Variants in RBFOX1 observed in about 807,000 individuals in gnomAD.
RBFOX1 encodes the protein RNA binding fox-1 homolog 1, also known as RNA binding protein fox-1 homolog 1.
RBFOX1 carries 8 observed loss-of-function variants against 57.7 expected under a neutral mutation model. The observed-to-expected ratio is 0.14, with a 90% CI of 0.08 to 0.25. The LOEUF is 0.25. RBFOX1 is among the 10% of genes least tolerant of loss of function. RBFOX1 has a pLI of 1.00. For missense variants in RBFOX1, 611 were observed against 548.5 expected, an observed-to-expected ratio of 1.11 and a Z score of -1.14; for synonymous variants, 326 against 222.4, an observed-to-expected ratio of 1.47 and a Z score of -4.15.
chr16:6,594,709 A>G (rs1369111994), intron 2 of RBFOX1, among the ~76,000 whole-genome samples: 1 of 151,348 alleles, frequency 6.6e-6, no homozygotes, highest in Non-Finnish European at 1.5e-5. Context: ...TTTTTTTGAG[A>G]TGTTTTTATT....
chr16:7,165,377 T>C (rs901337774), intron 4 of RBFOX1, among the ~76,000 whole-genome samples: 3 of 79,604 alleles, frequency 3.8e-5, no homozygotes, highest in Admixed American at 2.8e-4. Context: ...GCCCAGATCA[T>C]AACTCTTCTG....
chr16:7,127,027 A>T (rs1186018686), intron 4 of RBFOX1, among the ~76,000 whole-genome samples: 4 of 151,766 alleles, frequency 2.6e-5, no homozygotes, highest in African/African-American at 9.7e-5. Flanking sequence ...AAAAAAAAAA[A>T]AATTATTGCA....
chr16:5,319,716 C>T (rs1168608548), intron 1 of RBFOX1, among the ~76,000 whole-genome samples: 2 of 152,178 alleles, frequency 1.3e-5, no homozygotes, highest in Non-Finnish European at 2.9e-5. Flanking sequence ...GCAATCACAA[C>T]TCTAAAATCT....
chr16:7,029,067 T>C (rs1380777451), intron 3 of RBFOX1, among the ~76,000 whole-genome samples: 2 of 34,676 alleles, frequency 5.8e-5, no homozygotes, highest in South Asian at 1.3e-3. Flanking sequence ...TATATATATA[T>C]ATATATATAT....
At position 7,406,928 on chromosome 16, in the gene RBFOX1, G is replaced by A. The variant is rs113489756; in HGVS notation, c.28-111219G>A. 3.3e-4 allele frequency among the ~76,000 whole-genome samples: 51 copies of A among 152,304 alleles called. No individual in the cohort carries two copies. In the Middle Eastern group the frequency reaches 0.01, roughly 30 times the overall value. On this transcript the variant is annotated intron_variant, in intron 4 of 15. Transcript: ENST00000550418. ...CCTTCCTCCGTCTCCAATGCTATCA[G>A]TGTAGCATTTTCAAATCTCTCTCTG...
chr16:6,846,957 G>T (rs59275715), intron 3 of RBFOX1, among the ~76,000 whole-genome samples: 51,219 of 151,664 alleles, frequency 0.34, 9,147 homozygotes, highest in East Asian at 0.59. Flanking sequence ...GTTTTACCAT[G>T]TCTTTGGGGG....
intron 3 of RBFOX1, among the ~76,000 whole-genome samples, chr16:6,814,531 A>G (rs769639029): frequency 5.9e-5 from 9 of 152,108 alleles, no homozygotes; most frequent in African/African-American, 9.7e-5. Context: ...AATAATGACA[A>G]TCCTTAGTAT....
chr16:7,163,070 T>A (rs2078710845), intron 4 of RBFOX1, among the ~76,000 whole-genome samples: 1 of 152,220 alleles, frequency 6.6e-6, no homozygotes, highest in African/African-American at 2.4e-5. Context: ...ATCTTGTTTA[T>A]CTGCCAAGCA....
chr16:6,915,878 TCTC>T (rs1302840345), intron 3 of RBFOX1, among the ~76,000 whole-genome samples: 1 of 152,076 alleles, frequency 6.6e-6, no homozygotes, highest in Non-Finnish European at 1.5e-5. Context: ...GTTGAATAAT[TCTC>T]CTGAAGTGGA....
rs554360798 is a variant in RBFOX1, at chr16:7,402,728, C to T, written c.28-115419C>T. On this transcript the variant is annotated intron_variant, in intron 4 of 15. Coordinates refer to ENST00000550418, the MANE Select transcript of RBFOX1 (RefSeq NM_018723.4). ...CTAATATGGTAAATATTTCATATAA[C>T]GTGACTTTGAGAAGAAGGGTGCCCC... 2.6e-5 allele frequency among the ~76,000 whole-genome samples: 4 copies of T among 152,102 alleles called. No individual in the cohort carries two copies. The East Asian group carries it at 5.8e-4, about 22-fold the overall frequency.
intron 4 of RBFOX1, among the ~76,000 whole-genome samples, chr16:7,425,695 C>G (rs563865414): frequency 6.6e-6 from 1 of 152,240 alleles, no homozygotes; most frequent in African/African-American, 2.4e-5. Context: ...GTTATCCTAC[C>G]TGGGCAAAAG....
chr16:5,456,429 G>A (rs765077466), intron 1 of RBFOX1, among the ~76,000 whole-genome samples: 1 of 152,172 alleles, frequency 6.6e-6, no homozygotes, highest in Non-Finnish European at 1.5e-5. Flanking sequence ...GTTGGGTTGT[G>A]GAAATAGAAT....
At chr16:6,255,866 G>C (rs2097658030) in intron 1 of RBFOX1, among the ~76,000 whole-genome samples, 1 of 151,750 alleles carries the variant, frequency 6.6e-6, no homozygotes, top group Admixed American at 6.6e-5. Flanking sequence ...ACAGGGAGGA[G>C]AACGTCACAC....
chr16:6,468,306 G>A (rs2095097059), intron 2 of RBFOX1, among the ~76,000 whole-genome samples: 1 of 152,140 alleles, frequency 6.6e-6, no homozygotes. Context: ...AGATATGTTG[G>A]CAGAATGGCA....
In RBFOX1 at chr16:5,783,425, A is replaced by G. The variant is rs561991548; in HGVS notation, c.319-83878A>G. 6.6e-5 allele frequency among the ~76,000 whole-genome samples: 10 copies of G among 152,294 alleles called. No homozygotes were observed. The South Asian group carries it at 1.2e-3, about 19-fold the overall frequency. ...TTTATGTATGAGGGTTATATGGTGT[A>G]TATAGAGATTTTTTCTTGTTTTGAG... is the stretch of plus-strand genomic sequence containing the variant. On this transcript the variant is annotated intron_variant, in intron 3 of 19. Coordinates refer to the RBFOX1 transcript ENST00000641259.
chr16:6,750,101 C>G (rs536501566), intron 3 of RBFOX1, among the ~76,000 whole-genome samples: 6 of 152,240 alleles, frequency 3.9e-5, no homozygotes, highest in African/African-American at 1.4e-4. Flanking sequence ...GGGTTATGAT[C>G]TTTCTGTTAC....
At chr16:5,595,947 A>C (rs189705891) in intron 2 of RBFOX1, among the ~76,000 whole-genome samples, 68 of 152,290 alleles carry the variant, frequency 4.5e-4, no homozygotes, top group African/African-American at 1.5e-3. Context: ...GTCTCTTGAG[A>C]AGAGCAGATT....
At chr16:6,526,603 G>A (rs1379806418) in intron 2 of RBFOX1, among the ~76,000 whole-genome samples, 1 of 151,818 alleles carries the variant, frequency 6.6e-6, no homozygotes, top group Non-Finnish European at 1.5e-5. Context: ...GGTGGAGGTG[G>A]GCAGATCACG....
chr16:7,547,410 C>T (rs1471463927), intron 5 of RBFOX1, among the ~76,000 whole-genome samples: 1 of 152,126 alleles, frequency 6.6e-6, no homozygotes, highest in Non-Finnish European at 1.5e-5. Flanking sequence ...AGCACCTTGC[C>T]TTCTGTTATA....
Sources: gnomAD v4.1 joint callset for allele counts (sites outside exome capture counted in the v4.1 genomes callset) on GRCh38, gnomAD v4.1.1 for gene constraint, MANE v1.5 for transcripts, NCBI Gene and HGNC (gene_info 2026-07-23, HGNC 2026-07-21) for gene names.